The following RIC8B variants were observed in gnomAD, a reference collection of about 807,000 sequenced individuals.
RIC8B encodes the protein chaperone Ric-8B.
RIC8B carries 16 observed loss-of-function variants against 57.5 expected under a neutral mutation model. The observed-to-expected ratio is 0.28, with a 90% CI of 0.19 to 0.42. RIC8B has a LOEUF of 0.42. RIC8B is among the 10% of genes least tolerant of loss of function. The pLI is 1.00. For missense variants in RIC8B, 481 were observed against 677.0 expected, an observed-to-expected ratio of 0.71 and a Z score of 3.21; for synonymous variants, 216 against 250.8, an observed-to-expected ratio of 0.86 and a Z score of 1.31.
intron 2 of RIC8B, among the ~76,000 whole-genome samples, chr12:106,808,763 C>G (rs2045185067): frequency 6.6e-6 from 1 of 152,028 alleles, no homozygotes; most frequent in African/African-American, 2.4e-5. Context: ...TTTTGGATTC[C>G]CAGAGTCTAG....
chr12:106,823,684 A>ATT (rs375444524), intron 3 of RIC8B, among the ~76,000 whole-genome samples: 5 of 143,024 alleles, frequency 3.5e-5, no homozygotes, highest in African/African-American at 7.7e-5. Context: ...ATATGAGATA[A>ATT]TTTTTTTTTT....
intron 4 of RIC8B, among the ~76,000 whole-genome samples, chr12:106,839,098 G>A (rs2046751455): frequency 6.6e-6 from 1 of 152,076 alleles, no homozygotes; most frequent in African/African-American, 2.4e-5. Context: ...AGCCATTATG[G>A]AAAACAGTGT....
At chr12:106,866,647 T>C (rs1566160092) in intron 8 of RIC8B, among the ~76,000 whole-genome samples, 1 of 152,190 alleles carries the variant, frequency 6.6e-6, no homozygotes, top group Non-Finnish European at 1.5e-5. Context: ...CTCCATGTCC[T>C]ATTGGTTATT....
Position 106,888,346 on chromosome 12 carries a change from T to C in RIC8B, c.*2331T>C, listed in dbSNP as rs1212926437. 6 of 152,254 alleles carry C rather than the reference T, an allele frequency of 3.9e-5. No homozygotes were observed. Among genetic ancestry groups the C allele is most frequent in the Non-Finnish European group, 2.9e-5 (2 of 68,058 alleles). 9.4% of individuals were successfully genotyped at this position (152,254 alleles called of 1,614,324 possible). A position where few individuals can be genotyped will look rare whatever the true frequency, so the allele number is the denominator to read the frequency against. ...CTGGCACACAGAAAGAGAACTAATATCTGTTAAGTGCTTACTACATGCTGG... is the reference window on the plus strand; with the variant it reads ...CTGGCACACAGAAAGAGAACTAATACCTGTTAAGTGCTTACTACATGCTGG... On this transcript the variant is annotated 3_prime_UTR_variant, in exon 10 of 10. Transcript: ENST00000392837.
chr12:106,812,659 A>G (rs149458607), intron 2 of RIC8B, among the ~76,000 whole-genome samples: 12 of 151,652 alleles, frequency 7.9e-5, no homozygotes, highest in African/African-American at 2.9e-4. Flanking sequence ...ACCCCCAGGA[A>G]TATACCACAT....
intron 2 of RIC8B, among the ~76,000 whole-genome samples, chr12:106,788,840 G>C (rs1377457687): frequency 6.6e-6 from 1 of 152,182 alleles, no homozygotes; most frequent in Non-Finnish European, 1.5e-5. Context: ...ACATGCCCTG[G>C]AGACATTTTC....
At chr12:106,850,114 A>G (rs1246804075) in intron 6 of RIC8B, among the ~76,000 whole-genome samples, 1 of 152,226 alleles carries the variant, frequency 6.6e-6, no homozygotes, top group East Asian at 1.9e-4. Flanking sequence ...TGCACATGCA[A>G]GGGATCTAGG....
At chr12:106,783,608 G>T (rs1459885996) in intron 1 of RIC8B, among the ~76,000 whole-genome samples, 1 of 152,144 alleles carries the variant, frequency 6.6e-6, no homozygotes, top group East Asian at 1.9e-4. Context: ...TCACAAAGTT[G>T]CTTATTTCAC....
chr12:106,842,444 T>C lies in RIC8B; in HGVS notation c.837-145T>C, dbSNP rs1318417310. The C allele has an allele frequency of 6.6e-6, 4 of 603,292 alleles. No individual in the cohort carries two copies. In the Admixed American group the frequency reaches 1.2e-4, roughly 18 times the overall value. The allele number at this position is 603,292 out of a possible 1,614,324, so 37.4% of individuals were successfully genotyped here. On this transcript the variant is annotated intron_variant, in intron 4 of 9. Coordinates refer to ENST00000392837, the MANE Select transcript of RIC8B (RefSeq NM_001330145.2). ...TTTTTATTTCCTATCTCATAGTAAG[T>C]GTCAAGTGTCCATAATGGCTCATTT...
At position 106,879,487 on chromosome 12, in the gene RIC8B, A is replaced by ATACT. The variant is rs1950823363; in HGVS notation, c.1572-6413_1572-6410dup. On this transcript the variant is annotated intron_variant, in intron 9 of 9. Coordinates refer to ENST00000392837, the MANE Select transcript of RIC8B (RefSeq NM_001330145.2). This position sits in a 1 kb window ranked among gnomAD's most constrained non-coding sequence, Gnocchi z 4.9. ...AAGCCCAGGCATCCTAGAGTATACC[A>ATACT]TACTTACAGGCAAACGGTGGCTCAG... 1 of 985,212 alleles carries ATACT rather than the reference A, an allele frequency of 1.0e-6. No homozygotes were observed. The highest frequency in any genetic ancestry group is 1.7e-5 in the African/African-American group (1 of 57,216). The allele number at this position is 985,212 out of a possible 1,614,324, so 61.0% of individuals were successfully genotyped here.
chr12:106,853,699 C>A (rs1949590621), intron 7 of RIC8B, among the ~76,000 whole-genome samples: 1 of 151,776 alleles, frequency 6.6e-6, no homozygotes, highest in Admixed American at 6.6e-5. Context: ...GAACTCCTGT[C>A]CTTGTGATCT....
chr12:106,774,959 T>G (rs1323267726), intron 1 of RIC8B, 130 bp downstream of exon 1: 2 of 699,776 alleles, frequency 2.9e-6, no homozygotes, highest in East Asian at 2.8e-5. Flanking sequence ...CGTTTCCGGC[T>G]TGGGCATGCG....
chr12:106,883,602 A>G (rs1951055373), intron 9 of RIC8B, among the ~76,000 whole-genome samples: 1 of 151,638 alleles, frequency 6.6e-6, no homozygotes, highest in Non-Finnish European at 1.5e-5. Context: ...TCATTCTCCA[A>G]CCCCTTTTCC....
Position 106,885,930 on chromosome 12 carries a change from T to C in RIC8B, c.1598T>C (p.Leu533Pro). 6.2e-7 allele frequency: 1 copy of C among 1,613,724 alleles called. No individual in the cohort carries two copies. The highest frequency in any genetic ancestry group is 8.5e-7 in the Non-Finnish European group (1 of 1,179,820). The change falls in exon 10 of 10, where the codon CTA becomes CCA. Residue 533 changes from leucine to proline, a missense_variant. By Grantham distance (98) the Leu-to-Pro change is moderately conservative. Around this residue, in one of 3 missense-constraint regions of RIC8B, gnomAD observed 43 missense variants for 99.8 expected, o/e 0.43. Coordinates refer to ENST00000392837, the MANE Select transcript of RIC8B (RefSeq NM_001330145.2). ...SREELLKPMG[L>P]KPDGTITPLE... is the part of the protein sequence containing the mutation. ...GAGGAGTTGCTTAAACCAATGGGAC[T>C]AAAACCTGATGGGACAATAACGCCT...
At chr12:106,824,948 T>C (rs1354533842) in intron 3 of RIC8B, among the ~76,000 whole-genome samples, 1 of 152,178 alleles carries the variant, frequency 6.6e-6, no homozygotes, top group African/African-American at 2.4e-5. Context: ...TTTAGTAGTT[T>C]TTGAGGTAGT....
At chr12:106,835,484 C>T (rs186309724) in intron 4 of RIC8B, among the ~76,000 whole-genome samples, 2 of 152,292 alleles carry the variant, frequency 1.3e-5, no homozygotes, top group East Asian at 3.9e-4. Context: ...GCTTTGCATG[C>T]CTTTCTTCAT....
intron 6 of RIC8B, among the ~76,000 whole-genome samples, chr12:106,847,726 T>C (rs1949271074): frequency 6.6e-6 from 1 of 152,160 alleles, no homozygotes; most frequent in Non-Finnish European, 1.5e-5. Context: ...TATATATACA[T>C]AAAGGATCTG....
intron 9 of RIC8B, among the ~76,000 whole-genome samples, chr12:106,878,127 A>G (rs1345307107): frequency 6.6e-6 from 1 of 152,118 alleles, no homozygotes; most frequent in Non-Finnish European, 1.5e-5. Flanking sequence ...CTAGACCTCA[A>G]ATTTGCTATG....
intron 8 of RIC8B, among the ~76,000 whole-genome samples, chr12:106,863,378 GT>G (rs1375246128): frequency 2.0e-5 from 3 of 152,078 alleles, no homozygotes; most frequent in Admixed American, 2.0e-4. Flanking sequence ...AAACTCAGGG[GT>G]GTTTCCTTCT....
Sources: gnomAD v4.1 joint callset for allele counts (sites outside exome capture counted in the v4.1 genomes callset) on GRCh38, gnomAD v4.1.1 for gene constraint, gnomAD v4.1.1 regional missense constraint, Gnocchi (gnomAD v3.1) non-coding constraint, MANE v1.5 for transcripts, NCBI Gene and HGNC (gene_info 2026-07-23, HGNC 2026-07-21) for gene names.